The following CNTN5 variants were observed in gnomAD, a reference collection of about 807,000 sequenced individuals.
CNTN5 encodes the protein contactin-5.
A neutral mutation model predicts 129.1 loss-of-function variants in CNTN5; 77 were observed. The ratio of observed to expected loss-of-function variants is 0.60; its 90% CI spans 0.50 to 0.72. CNTN5 has a LOEUF of 0.72. Among genes scored for constraint, CNTN5 ranks in the 30% least tolerant of loss-of-function variants. CNTN5 has a pLI of 0.00. For missense variants in CNTN5, 1,478 were observed against 1,328.8 expected, an observed-to-expected ratio of 1.11 and a Z score of -1.75; for synonymous variants, 509 against 465.6, an observed-to-expected ratio of 1.09 and a Z score of -1.20.
intron 13 of CNTN5, among the ~76,000 whole-genome samples, chr11:100,111,327 C>CA (rs1401509585): frequency 6.6e-6 from 1 of 151,800 alleles, no homozygotes; most frequent in Non-Finnish European, 1.5e-5. Flanking sequence ...AATGGAATGA[C>CA]AGAGAGTCTG....
At chr11:99,928,410 G>A (rs1045438015) in intron 7 of CNTN5, among the ~76,000 whole-genome samples, 2 of 152,176 alleles carry the variant, frequency 1.3e-5, no homozygotes, top group African/African-American at 4.8e-5. Context: ...GGTTCTCCAC[G>A]AGGGCTCTGT....
At chr11:100,297,025 A>T (rs1331544665) in intron 18 of CNTN5, among the ~76,000 whole-genome samples, 1 of 151,578 alleles carries the variant, frequency 6.6e-6, no homozygotes, top group Non-Finnish European at 1.5e-5. Flanking sequence ...TGACACATTT[A>T]TTCTTTTAAT....
chr11:100,241,135 A>G (rs893703221), intron 16 of CNTN5, among the ~76,000 whole-genome samples: 1 of 152,236 alleles, frequency 6.6e-6, no homozygotes, highest in African/African-American at 2.4e-5. Flanking sequence ...TTTATGCAAT[A>G]GTAGTTTAAT....
intron 2 of CNTN5, among the ~76,000 whole-genome samples, chr11:99,408,353 C>T (rs1407060038): frequency 7.3e-6 from 1 of 136,972 alleles, no homozygotes. Context: ...GCACATGCCA[C>T]TACACCAGGC....
At chr11:100,283,528 C>A (rs963385331) in intron 18 of CNTN5, among the ~76,000 whole-genome samples, 1 of 152,120 alleles carries the variant, frequency 6.6e-6, no homozygotes, top group Non-Finnish European at 1.5e-5. Flanking sequence ...GTCCTTGTGG[C>A]CTAGACTACC....
At chr11:99,556,376 A>T in intron 3 of CNTN5, 107 bp downstream of exon 3, 1 of 649,354 alleles carries the variant, frequency 1.5e-6, no homozygotes, top group Non-Finnish European at 2.6e-6. Flanking sequence ...TTAAATTTAT[A>T]TCAGTATTTA....
intron 16 of CNTN5, among the ~76,000 whole-genome samples, chr11:100,248,962 C>G (rs761404430): frequency 2.0e-5 from 3 of 152,116 alleles, no homozygotes; most frequent in Non-Finnish European, 4.4e-5. Context: ...AAAGCCTGTT[C>G]TTGCTTCAAT....
In CNTN5 at chr11:99,720,705, A is replaced by T. The variant is rs1943143158; in HGVS notation, c.56-98839A>T. Among the ~76,000 whole-genome samples the T allele has an allele frequency of 2.6e-5, 4 of 152,196 alleles. No individual in the cohort carries two copies. In the South Asian group the frequency reaches 8.3e-4, roughly 31 times the overall value. On this transcript the variant is annotated intron_variant, in intron 3 of 24. Coordinates refer to ENST00000524871, the MANE Select transcript of CNTN5 (RefSeq NM_014361.4). Reference sequence around the variant, plus strand: ...TCGAAATGGGAAGAGAGGAAGCCAAACTATTTCATTTTGCAGGTGACATGA... The same window carrying T: ...TCGAAATGGGAAGAGAGGAAGCCAATCTATTTCATTTTGCAGGTGACATGA...
intron 1 of CNTN5, among the ~76,000 whole-genome samples, chr11:99,034,976 T>C (rs2135109926): frequency 6.6e-6 from 1 of 151,350 alleles, no homozygotes; most frequent in Non-Finnish European, 1.5e-5. Flanking sequence ...TGTGTCTTTG[T>C]TCTCGTTGGT....
intron 1 of CNTN5, among the ~76,000 whole-genome samples, chr11:99,167,050 A>T (rs1317634236): frequency 1.3e-5 from 2 of 152,146 alleles, no homozygotes; most frequent in Non-Finnish European, 2.9e-5. Flanking sequence ...GTATTAATTA[A>T]GAAGTATGTG....
At chr11:100,259,428 G>T (rs1950151539) in intron 17 of CNTN5, among the ~76,000 whole-genome samples, 1 of 152,074 alleles carries the variant, frequency 6.6e-6, no homozygotes, top group Non-Finnish European at 1.5e-5. Flanking sequence ...CTTAAACTCA[G>T]CTCTGGACCA....
intron 9 of CNTN5, among the ~76,000 whole-genome samples, chr11:100,007,119 G>C (rs1313505713): frequency 1.3e-5 from 2 of 152,044 alleles, no homozygotes; most frequent in African/African-American, 2.4e-5. Context: ...GGTCTCAACA[G>C]TGGGCTTAAA....
At chr11:99,216,576 G>A (rs891200864) in intron 1 of CNTN5, among the ~76,000 whole-genome samples, 3 of 151,596 alleles carry the variant, frequency 2.0e-5, no homozygotes, top group African/African-American at 4.8e-5. Flanking sequence ...TCCATCATAC[G>A]CTGGATAATA....
At position 99,317,205 on chromosome 11, in the gene CNTN5, A is replaced by G. The variant is rs545964970; in HGVS notation, c.-209-8141A>G. ...TAAATGCGTGACAAATGGCAGTAAC[A>G]AAGTTGGGCTGGGAGTTCATGGTTT... On this transcript the variant is annotated intron_variant, in intron 1 of 24. Transcript: ENST00000524871. 3.3e-5 allele frequency among the ~76,000 whole-genome samples: 5 copies of G among 152,306 alleles called. No individual in the cohort carries two copies. The South Asian group carries it at 1.0e-3, about 32-fold the overall frequency.
In CNTN5 at chr11:100,262,567, G is replaced by A. The variant is rs545890960; in HGVS notation, c.2164+6649G>A. ...AATGCCCATCAATGATAGCCTGGAT[G>A]AAGAAAATGTGGCACATATATGCCA... On this transcript the variant is annotated intron_variant, in intron 17 of 24. Transcript: ENST00000524871. 1.4e-4 allele frequency among the ~76,000 whole-genome samples: 22 copies of A among 152,202 alleles called. No individual in the cohort carries two copies. In the East Asian group the frequency reaches 4.1e-3, roughly 28 times the overall value.
At chr11:99,794,771 T>C (rs1945873880) in intron 3 of CNTN5, among the ~76,000 whole-genome samples, 1 of 152,206 alleles carries the variant, frequency 6.6e-6, no homozygotes, top group African/African-American at 2.4e-5. Flanking sequence ...CTGGCTTGTA[T>C]GGTTTCTGTG....
intron 24 of CNTN5, among the ~76,000 whole-genome samples, chr11:100,352,271 C>A (rs945183700): frequency 6.6e-6 from 1 of 151,546 alleles, no homozygotes; most frequent in Admixed American, 6.6e-5. Context: ...TAAGTTCTCA[C>A]ATGAAAATAC....
chr11:99,535,469 G>A (rs1418758033), intron 2 of CNTN5, among the ~76,000 whole-genome samples: 1 of 152,080 alleles, frequency 6.6e-6, no homozygotes, highest in Non-Finnish European at 1.5e-5. Context: ...GAAAACAAAT[G>A]GAACCCTCAA....
chr11:100,296,246 G>A (rs1461296780), intron 18 of CNTN5, among the ~76,000 whole-genome samples: 1 of 151,510 alleles, frequency 6.6e-6, no homozygotes, highest in Non-Finnish European at 1.5e-5. Context: ...TCTGTTACAT[G>A]TGGCAACAAC....
Sources: gnomAD v4.1 joint callset for allele counts (sites outside exome capture counted in the v4.1 genomes callset) on GRCh38, gnomAD v4.1.1 for gene constraint, MANE v1.5 for transcripts, NCBI Gene and HGNC (gene_info 2026-07-23, HGNC 2026-07-21) for gene names.